CRK: variants seen among roughly 807,000 people sequenced by gnomAD.
CRK encodes the protein adapter molecule crk.
CRK carries 4 observed loss-of-function variants against 29.8 expected under a neutral mutation model. That is an observed-to-expected ratio of 0.13 (90% confidence interval 0.07 to 0.31). CRK has a LOEUF of 0.31. CRK is among the 10% of genes least tolerant of loss of function. CRK has a pLI of 1.00. For synonymous variants in CRK, 153 were observed against 164.9 expected (o/e 0.93, Z 0.55); for missense variants, 274 against 396.5 (o/e 0.69, Z 2.62).
intron 1 of CRK, among the ~76,000 whole-genome samples, chr17:1,443,170 G>C (rs760796196): frequency 6.7e-6 from 1 of 149,114 alleles, no homozygotes; most frequent in African/African-American, 2.5e-5. Flanking sequence ...AGTAGAGATG[G>C]GGGTTTCACC....
At chr17:1,444,422 C>T (rs1021251114) in intron 1 of CRK, among the ~76,000 whole-genome samples, 11 of 152,022 alleles carry the variant, frequency 7.2e-5, no homozygotes, top group African/African-American at 2.7e-4. Flanking sequence ...CCAGCTACTT[C>T]GGAGGCTGAG....
At chr17:1,438,641 C>T (rs964127478) in intron 1 of CRK, among the ~76,000 whole-genome samples, 2 of 151,712 alleles carry the variant, frequency 1.3e-5, no homozygotes, top group African/African-American at 4.8e-5. Flanking sequence ...AGGGTTAAAA[C>T]ACTCAACATC....
At chr17:1,451,376 G>A in intron 1 of CRK, among the ~76,000 whole-genome samples, 1 of 150,026 alleles carries the variant, frequency 6.7e-6, no homozygotes, top group East Asian at 2.2e-4. Flanking sequence ...GATTACAGGC[G>A]TCCGCCACCA....
rs1210132374 is a variant in CRK at position 1,448,015 on chromosome 17, G to A, written c.241+7862C>T. 2.6e-5 allele frequency among the ~76,000 whole-genome samples: 4 copies of A among 151,934 alleles called. No individual in the cohort carries two copies. In the East Asian group the frequency reaches 7.7e-4, roughly 29 times the overall value. On this transcript the variant is annotated intron_variant, in intron 1 of 2. Transcript: ENST00000300574. ...AGATAAATACCCACCAATACAAAACGCTAAAAAGGCCACTGGCTCGGGAGG... is the reference window on the plus strand; with the variant it reads ...AGATAAATACCCACCAATACAAAACACTAAAAAGGCCACTGGCTCGGGAGG...
intron 1 of CRK, among the ~76,000 whole-genome samples, chr17:1,438,169 G>A (rs1164362473): frequency 6.6e-6 from 1 of 151,964 alleles, no homozygotes; most frequent in Non-Finnish European, 1.5e-5. Context: ...TCGCTGTGTC[G>A]CTCAAGCTGG....
intron 2 of CRK, among the ~76,000 whole-genome samples, chr17:1,430,991 C>G (rs1222087647): frequency 2.6e-5 from 4 of 151,970 alleles, no homozygotes; most frequent in African/African-American, 7.2e-5. Flanking sequence ...TAGCGTGAAC[C>G]CTGGAGGCGG....
chr17:1,440,377 C>T (rs899077260), intron 1 of CRK, among the ~76,000 whole-genome samples: 7 of 150,896 alleles, frequency 4.6e-5, no homozygotes, highest in East Asian at 2.0e-4. Flanking sequence ...GGTGAGAGAT[C>T]GCTTGAGCCT....
chr17:1,446,680 T>C (rs2073977517), intron 1 of CRK, among the ~76,000 whole-genome samples: 2 of 147,366 alleles, frequency 1.4e-5, no homozygotes, highest in South Asian at 2.1e-4. Context: ...CAAGCTCCGC[T>C]TCCTGGGTTC....
chr17:1,453,872 C>T (rs2150915958), intron 1 of CRK, among the ~76,000 whole-genome samples: 1 of 151,758 alleles, frequency 6.6e-6, no homozygotes, highest in Non-Finnish European at 1.5e-5. Flanking sequence ...TGCACCATCG[C>T]ACTCCAGCCT....
intron 1 of CRK, among the ~76,000 whole-genome samples, chr17:1,446,998 C>T (rs1598303866): frequency 6.6e-6 from 1 of 152,154 alleles, no homozygotes; most frequent in South Asian, 2.1e-4. Flanking sequence ...TCTATTCTGA[C>T]ACTGTAATAA....
Position 1,436,733 on chromosome 17 carries a change from C to T in CRK, c.664G>A (p.Ala222Thr), listed in dbSNP as rs980590664. 1 of 1,603,084 alleles carries T rather than the reference C, an allele frequency of 6.2e-7. No homozygotes were observed. The highest frequency in any genetic ancestry group is 8.5e-7 in the Non-Finnish European group (1 of 1,175,568). Reference sequence around the variant, plus strand: ...AGCGGAGTGTTGACGCTGGGTTGGGCATAGGGCCCAGGCTCCGGCCCACCC... The same window carrying T: ...AGCGGAGTGTTGACGCTGGGTTGGGTATAGGGCCCAGGCTCCGGCCCACCC... ...PLGGPEPGPY[A>T]QPSVNTPLPN... The change falls in exon 2 of 3, where the codon GCC (alanine) becomes ACC (threonine). Residue 222 changes from alanine (A) to threonine (T), a missense_variant. By Grantham distance (58) the Ala-to-Thr change is moderately conservative. Coordinates refer to ENST00000300574, the MANE Select transcript of CRK (RefSeq NM_016823.4).
intron 1 of CRK, among the ~76,000 whole-genome samples, chr17:1,454,020 GTA>G (rs1184719743): frequency 9.9e-5 from 15 of 152,010 alleles, no homozygotes; most frequent in Non-Finnish European, 2.1e-4. Context: ...GGCCAACCTG[GTA>G]AAACCCCATC....
In CRK at chr17:1,421,036, A is replaced by G. The variant is rs545218155; in HGVS notation, c.*2477T>C. ...ATTTGCAGAAATGATTATATAAAAT[A>G]TAGCAGCCAATTTCAGTTTACTTTG... On this transcript the variant is annotated 3_prime_UTR_variant, in exon 3 of 3. Coordinates refer to ENST00000300574, the MANE Select transcript of CRK (RefSeq NM_016823.4). 1.9e-4 allele frequency: 29 copies of G among 152,344 alleles called. No homozygotes were observed. The highest frequency in any genetic ancestry group is 6.5e-4 in the African/African-American group (27 of 41,590). 9.4% of individuals were successfully genotyped at this position (152,344 alleles called of 1,614,324 possible).
At chr17:1,431,511 G>C (rs555049251) in intron 2 of CRK, among the ~76,000 whole-genome samples, 6 of 151,992 alleles carry the variant, frequency 3.9e-5, no homozygotes, top group Non-Finnish European at 8.8e-5. Flanking sequence ...CACGAGGTCA[G>C]GAGATCGAGA....
At chr17:1,430,514 G>A (rs570362594) in intron 2 of CRK, among the ~76,000 whole-genome samples, 74 of 149,818 alleles carry the variant, frequency 4.9e-4, no homozygotes, top group African/African-American at 8.6e-4. Flanking sequence ...CCGCCACCAC[G>A]TCCGGCTAAT....
At chr17:1,444,179 G>A (rs1478424648) in intron 1 of CRK, among the ~76,000 whole-genome samples, 2 of 152,094 alleles carry the variant, frequency 1.3e-5, no homozygotes, top group Non-Finnish European at 2.9e-5. Context: ...CTAAACTGCA[G>A]TAGCTATGCA....
At chr17:1,426,958 G>C (rs1233632510) in intron 2 of CRK, among the ~76,000 whole-genome samples, 1 of 147,912 alleles carries the variant, frequency 6.8e-6, no homozygotes, top group African/African-American at 2.5e-5. Context: ...CTTGAGCCCG[G>C]GAGGCAGAGA....
chr17:1,426,870 A>C (rs2073783789), intron 2 of CRK, among the ~76,000 whole-genome samples: 1 of 151,534 alleles, frequency 6.6e-6, no homozygotes, highest in African/African-American at 2.4e-5. Context: ...AAAAAATAAA[A>C]TAAATAAATA....
At chr17:1,432,649 C>T (rs188716893) in intron 2 of CRK, among the ~76,000 whole-genome samples, 1,558 of 150,992 alleles carry the variant, frequency 0.01, 21 homozygotes, top group African/African-American at 0.036. Flanking sequence ...TGGTGGCGGG[C>T]GCCTGTAGTC....
Sources: gnomAD v4.1 joint callset for allele counts (sites outside exome capture counted in the v4.1 genomes callset) on GRCh38, gnomAD v4.1.1 for gene constraint, MANE v1.5 for transcripts, NCBI Gene and HGNC (gene_info 2026-07-23, HGNC 2026-07-21) for gene names.